Variants in MATN3 observed in about 807,000 individuals in gnomAD.
MATN3 encodes the protein matrilin 3.
In MATN3, 48 loss-of-function variants were observed where a neutral mutation model predicts 45.3. The ratio of observed to expected loss-of-function variants is 1.06; its 90% CI spans 0.84 to 1.35. MATN3 has a LOEUF of 1.35. Ranked by LOEUF, MATN3 falls within the 40% of genes most tolerant of loss-of-function variation. The probability of loss-of-function intolerance (pLI) is 0.00; values close to 1 mark genes in which losing one functional copy is unlikely to be tolerated. For synonymous variants in MATN3, 217 were observed against 245.9 expected, an observed-to-expected ratio of 0.88 and a Z score of 1.10; for missense variants, 599 against 628.0, an observed-to-expected ratio of 0.95 and a Z score of 0.49.
Position 20,012,367 on chromosome 2 carries a change from C to T in MATN3, c.223+42G>A, listed in dbSNP as rs1232819312. On this transcript the variant is annotated intron_variant, in intron 1 of 7. Transcript: ENST00000407540. This position sits in a 1 kb window ranked among gnomAD's most constrained non-coding sequence, Gnocchi z 4.3. ...GCTTGGTGGATGCCCTGGGCTTCTC[C>T]TCGTTCGATGCTCACGCGTCCCTCC... is the stretch of plus-strand genomic sequence containing the variant. 1 of 1,217,716 alleles carries T rather than the reference C, an allele frequency of 8.2e-7. No homozygotes were observed. The highest frequency in any genetic ancestry group is 1.0e-6 in the Non-Finnish European group (1 of 976,672). The allele number at this position is 1,217,716 out of a possible 1,614,324, so 75.4% of individuals were successfully genotyped here.
rs1673242344 is a variant in MATN3 at position 20,012,617 on chromosome 2, G to T, written c.15C>A (p.Ala5=). Residue 5 remains alanine, a synonymous_variant, in exon 1 of 8, where the codon GCC becomes GCA. Transcript: ENST00000407540. The surrounding 1 kb of genome is among the most constrained non-coding windows in gnomAD (Gnocchi z 4.3). The part of the protein sequence containing the change: MPRP[A]PARRLPGLLL... ...GGAGTCCCGGGAGGCGGCGCGCGGG[G>T]GCCGGGCGCGGCATGGTGGGCTCCG... 1.6e-6 allele frequency: 2 copies of T among 1,216,798 alleles called. No homozygotes were observed. The highest frequency in any genetic ancestry group is 1.6e-5 in the African/African-American group (1 of 63,604). 75.4% of individuals were successfully genotyped at this position (1,216,798 alleles called of 1,614,324 possible). A position where few individuals can be genotyped will look rare whatever the true frequency, so the allele number is the denominator to read the frequency against.
At chr2:20,001,521 A>G (rs1264680157) in intron 4 of MATN3, among the ~76,000 whole-genome samples, 1 of 152,206 alleles carries the variant, frequency 6.6e-6, no homozygotes, top group African/African-American at 2.4e-5. Flanking sequence ...TTGTGTCCAC[A>G]GTATTGAGCA....
Position 19,997,129 on chromosome 2 carries a change from C to T in MATN3, c.1294+5G>A. ...AGGAAATAGCCTTAAAGGGCTGATCCTCACCTGAACATGTTTTCTTGTCCT... is the reference window on the plus strand; with the variant it reads ...AGGAAATAGCCTTAAAGGGCTGATCTTCACCTGAACATGTTTTCTTGTCCT... On this transcript the variant is annotated splice_donor_5th_base_variant and intron_variant, in intron 6 of 7. Coordinates refer to ENST00000407540, the MANE Select transcript of MATN3 (RefSeq NM_002381.5). The T allele has an allele frequency of 3.1e-6, 5 of 1,613,416 alleles. No homozygotes were observed. Among genetic ancestry groups the T allele is most frequent in the Non-Finnish European group, 4.2e-6 (5 of 1,179,634 alleles).
intron 4 of MATN3, among the ~76,000 whole-genome samples, chr2:20,000,958 T>C (rs1672974120): frequency 6.6e-6 from 1 of 152,150 alleles, no homozygotes; most frequent in Non-Finnish European, 1.5e-5. Flanking sequence ...AGTTCAACCC[T>C]CTCCTATTTT....
chr2:19,994,024 C>G (rs558951627), intron 7 of MATN3, among the ~76,000 whole-genome samples: 1 of 152,274 alleles, frequency 6.6e-6, no homozygotes, highest in Admixed American at 6.5e-5. Context: ...AATGTTCCAT[C>G]TGTTATGTAA....
chr2:20,010,067 T>TAAAAAAAAAGA (rs1673188967), intron 1 of MATN3, among the ~76,000 whole-genome samples: 1 of 68,706 alleles, frequency 1.5e-5, no homozygotes, highest in Admixed American at 1.8e-4. Context: ...CTTCAAATAC[T>TAAAAAAAAAGA]AAAAAAAAAA....
intron 5 of MATN3, among the ~76,000 whole-genome samples, chr2:19,999,857 T>A (rs1672951218): frequency 6.6e-6 from 1 of 152,190 alleles, no homozygotes; most frequent in Admixed American, 6.5e-5. Context: ...ATCAAATTAA[T>A]GAGGATTAAC....
At position 19,995,328 on chromosome 2, in the gene MATN3, C is replaced by T. The variant is rs1189912728; in HGVS notation, c.1295-919G>A. Among the ~76,000 whole-genome samples the T allele has an allele frequency of 6.6e-6, 1 of 152,016 alleles. No homozygotes were observed. ...ATTAGCTGGGCGTGGTGGCCCATGC[C>T]TGTAATCCCAGCTACTCGGGAGACT... is the stretch of plus-strand genomic sequence containing the variant. On this transcript the variant is annotated intron_variant, in intron 6 of 7. Transcript: ENST00000407540. This position sits in a 1 kb window ranked among gnomAD's most constrained non-coding sequence, Gnocchi z 4.2.
At chr2:20,005,643 C>A in intron 2 of MATN3, 101 bp downstream of exon 2, 1 of 1,075,980 alleles carries the variant, frequency 9.3e-7, no homozygotes, top group Non-Finnish European at 1.3e-6. Context: ...TTAAGTTTTT[C>A]ATTAAATTTC....
In MATN3 at chr2:20,012,363, TCTC is replaced by T. The variant is rs894172377; in HGVS notation, c.223+43_223+45del. ...GCGCGCTTGGTGGATGCCCTGGGCT[TCTC>T]CTCGTTCGATGCTCACGCGTCCCTC... On this transcript the variant is annotated intron_variant, in intron 1 of 7. Transcript: ENST00000407540. This position sits in a 1 kb window ranked among gnomAD's most constrained non-coding sequence, Gnocchi z 4.3. The T allele has an allele frequency of 4.9e-6, 6 of 1,212,334 alleles. No individual in the cohort carries two copies. Among genetic ancestry groups the T allele is most frequent in the Non-Finnish European group, 6.2e-6 (6 of 971,936 alleles). 75.1% of individuals were successfully genotyped at this position (1,212,334 alleles called of 1,614,324 possible).
At chr2:19,993,255 A>G in intron 7 of MATN3, 89 bp from the exon 8 acceptor site, 1 of 1,001,970 alleles carries the variant, frequency 1.0e-6, no homozygotes. Flanking sequence ...TAAAATAATT[A>G]TGTCCTATGA....
At position 19,992,859 on chromosome 2, in the gene MATN3, C is replaced by A; in HGVS notation, c.*252G>T. On this transcript the variant is annotated 3_prime_UTR_variant, in exon 8 of 8. Coordinates refer to ENST00000407540, the MANE Select transcript of MATN3 (RefSeq NM_002381.5). ...CTAAACTTTTCATTCTATTTCCTAC[C>A]AATCATTTCACAGTCATAACTTAGA... The A allele has an allele frequency of 4.6e-6, 2 of 437,310 alleles. No homozygotes were observed. The highest frequency in any genetic ancestry group is 4.0e-6 in the Non-Finnish European group (1 of 249,608). The allele number at this position is 437,310 out of a possible 1,614,324, so 27.1% of individuals were successfully genotyped here.
intron 5 of MATN3, among the ~76,000 whole-genome samples, 188 bp downstream of exon 5, chr2:20,000,253 C>G (rs1304098723): frequency 6.6e-6 from 1 of 152,154 alleles, no homozygotes; most frequent in African/African-American, 2.4e-5. Flanking sequence ...CAGTAATTTT[C>G]TGAAGTAATC....
At chr2:19,999,562 C>G (rs1672944258) in intron 5 of MATN3, among the ~76,000 whole-genome samples, 1 of 150,328 alleles carries the variant, frequency 6.7e-6, no homozygotes, top group Non-Finnish European at 1.5e-5. Context: ...TTTGTATGCT[C>G]CCAATGCTTA....
chr2:19,996,337 C>T (rs1452462904), intron 6 of MATN3, among the ~76,000 whole-genome samples: 1 of 151,754 alleles, frequency 6.6e-6, no homozygotes, highest in Non-Finnish European at 1.5e-5. Context: ...TTAAAGAAGA[C>T]CTAAAATAAA....
At chr2:20,002,263 G>A (rs1378159292) in intron 3 of MATN3, among the ~76,000 whole-genome samples, 183 bp from the exon 4 acceptor site, 1 of 152,028 alleles carries the variant, frequency 6.6e-6, no homozygotes, top group Non-Finnish European at 1.5e-5. Flanking sequence ...CTTTCACTAA[G>A]AGACCCTGTG....
intron 1 of MATN3, among the ~76,000 whole-genome samples, chr2:20,007,972 C>CT (rs1241531341): frequency 4.6e-5 from 7 of 151,902 alleles, no homozygotes; most frequent in African/African-American, 1.2e-4. Flanking sequence ...ACTTCTTTTT[C>CT]TTTTTTTTGA....
rs928885285 is a variant in MATN3 at position 19,997,046 on chromosome 2, C to A, written c.1294+88G>T. ...GAGAATTCTGACAGGGAGAAAGAAT[C>A]ACAACTGTGTCTTAGACAGAAAGAA... On this transcript the variant is annotated intron_variant, in intron 6 of 7. Transcript: ENST00000407540. 1.4e-5 allele frequency: 20 copies of A among 1,413,616 alleles called. No homozygotes were observed. The African/African-American group carries it at 2.7e-4, about 19-fold the overall frequency. The allele number at this position is 1,413,616 out of a possible 1,614,324, so 87.6% of individuals were successfully genotyped here.
At position 19,993,064 on chromosome 2, in the gene MATN3, T is replaced by G; in HGVS notation, c.*47A>C. ...GGTGTGCAAAAGAATGCATGAGTATTAAGTACACCAAGCTGTCCACATTTT... is the reference window on the plus strand; with the variant it reads ...GGTGTGCAAAAGAATGCATGAGTATGAAGTACACCAAGCTGTCCACATTTT... On this transcript the variant is annotated 3_prime_UTR_variant, in exon 8 of 8. Transcript: ENST00000407540. 5 of 1,480,022 alleles carry G rather than the reference T, an allele frequency of 3.4e-6. No homozygotes were observed. Among genetic ancestry groups the G allele is most frequent in the African/African-American group, 2.8e-5 (2 of 72,374 alleles). 91.7% of individuals were successfully genotyped at this position (1,480,022 alleles called of 1,614,324 possible).
Sources: gnomAD v4.1 joint callset for allele counts (sites outside exome capture counted in the v4.1 genomes callset) on GRCh38, gnomAD v4.1.1 for gene constraint, Gnocchi (gnomAD v3.1) non-coding constraint, MANE v1.5 for transcripts, NCBI Gene and HGNC (gene_info 2026-07-23, HGNC 2026-07-21) for gene names.